The following GOLM1 variants were observed in gnomAD, a reference collection of about 807,000 sequenced individuals.
GOLM1 encodes epididymis luminal protein 46.
A neutral mutation model predicts 50.5 loss-of-function variants in GOLM1; 31 were observed. The observed-to-expected ratio is 0.61, with a 90% CI of 0.46 to 0.83. GOLM1 has a LOEUF of 0.83. Ranked by LOEUF, GOLM1 falls within the 40% of genes least tolerant of loss-of-function variation. GOLM1 has a pLI of 0.00. For missense variants in GOLM1, 491 were observed against 501.3 expected (o/e 0.98, Z 0.20); for synonymous variants, 178 against 192.8 (o/e 0.92, Z 0.64).
At chr9:86,086,382 A>T (rs1834962258) in intron 1 of GOLM1, among the ~76,000 whole-genome samples, 1 of 151,932 alleles carries the variant, frequency 6.6e-6, no homozygotes, top group Admixed American at 6.6e-5. Context: ...AGATGGACAG[A>T]TTACAAAAGT....
At chr9:86,062,475 G>C (rs1255407699) in intron 3 of GOLM1, among the ~76,000 whole-genome samples, 1 of 151,368 alleles carries the variant, frequency 6.6e-6, no homozygotes. Context: ...CAGAGGGAAG[G>C]GAGGACGGGG....
intron 1 of GOLM1, among the ~76,000 whole-genome samples, chr9:86,085,450 TTTG>T (rs200279920): frequency 9.7e-6 from 1 of 103,114 alleles, no homozygotes; most frequent in Non-Finnish European, 1.8e-5. Context: ...GCCCAAAGTT[TTTG>T]TTTTTTTTTT....
intron 3 of GOLM1, among the ~76,000 whole-genome samples, chr9:86,053,323 CA>C (rs1833837815): frequency 1.5e-5 from 2 of 133,900 alleles, no homozygotes; most frequent in Non-Finnish European, 1.6e-5. Flanking sequence ...CAGCAGGCCA[CA>C]CACCACACTA....
intron 1 of GOLM1, chr9:86,079,584 G>GC (rs369443606): frequency 1.1e-4 from 39 of 345,166 alleles, no homozygotes; most frequent in African/African-American, 7.4e-4. Flanking sequence ...AGCAGGCACC[G>GC]CCCCGAAACC....
At chr9:86,065,858 G>A (rs574026174) in intron 3 of GOLM1, among the ~76,000 whole-genome samples, 2 of 152,226 alleles carry the variant, frequency 1.3e-5, no homozygotes, top group Non-Finnish European at 2.9e-5. Flanking sequence ...TGGCCAACAT[G>A]GTGAAACCCC....
chr9:86,076,757 C>T (rs1563964874), intron 3 of GOLM1, among the ~76,000 whole-genome samples: 2 of 150,352 alleles, frequency 1.3e-5, no homozygotes, highest in African/African-American at 2.5e-5. Flanking sequence ...CGCAGCTACT[C>T]AGGAGGCTGA....
intron 5 of GOLM1, among the ~76,000 whole-genome samples, chr9:86,041,607 G>A (rs1158463040): frequency 6.6e-6 from 1 of 152,332 alleles, no homozygotes; most frequent in Admixed American, 6.5e-5. Context: ...GGGCTGTTCT[G>A]TAAAAGTCAA....
chr9:86,052,503 C>G, intron 4 of GOLM1, 34 bp downstream of exon 4: 1 of 1,599,578 alleles, frequency 6.3e-7, no homozygotes, highest in Non-Finnish European at 8.6e-7. Flanking sequence ...CCTCAAAGGC[C>G]AGTGCCTGGT....
chr9:86,040,841 C>G lies in GOLM1; in HGVS notation c.495G>C (p.Glu165Asp). ...TTCGCTCCTCACACTGTTCCTTCAC[C>G]TCCTTCATCTGATTGATGCACTGGC... ...DLSQCINQMK[E>D]VKEQCEERIE... Residue 165 changes from glutamate (E) to aspartate (D), a missense_variant, in exon 6 of 10, where the codon GAG becomes GAC. Transcript: ENST00000388712. The G allele has an allele frequency of 2.5e-6, 4 of 1,613,934 alleles. No individual in the cohort carries two copies. The highest frequency in any genetic ancestry group is 2.5e-6 in the Non-Finnish European group (3 of 1,179,876).
intron 7 of GOLM1, 72 bp from the exon 8 acceptor site, chr9:86,035,697 A>C: frequency 7.7e-7 from 1 of 1,302,454 alleles, no homozygotes; most frequent in Non-Finnish European, 1.1e-6. Flanking sequence ...AAAAAAAGCA[A>C]AACCTGGTGC....
intron 3 of GOLM1, among the ~76,000 whole-genome samples, chr9:86,074,437 A>G (rs1834548015): frequency 6.6e-6 from 1 of 152,146 alleles, no homozygotes; most frequent in African/African-American, 2.4e-5. Flanking sequence ...CTGAACTCCC[A>G]TGTACCCATC....
intron 6 of GOLM1, among the ~76,000 whole-genome samples, chr9:86,037,073 C>T (rs1170523185): frequency 1.3e-5 from 2 of 152,232 alleles, no homozygotes; most frequent in African/African-American, 2.4e-5. Context: ...AAACAACACA[C>T]TCCTAAATAA....
chr9:86,044,228 C>T lies in GOLM1; in HGVS notation c.467+2242G>A, dbSNP rs368912662. Among the ~76,000 whole-genome samples, 6 of 152,214 alleles carry T rather than the reference C, an allele frequency of 3.9e-5. No individual in the cohort carries two copies. The East Asian group carries it at 9.6e-4, about 24-fold the overall frequency. On this transcript the variant is annotated intron_variant, in intron 5 of 9. Transcript: ENST00000388712. ...CCTACTGGGGACAAGACTGCCCCCACGTGAGAACCACTGGCATAGCTGAAT... is the reference window on the plus strand; with the variant it reads ...CCTACTGGGGACAAGACTGCCCCCATGTGAGAACCACTGGCATAGCTGAAT...
Position 86,027,404 on chromosome 9 carries a change from G to C in GOLM1, c.*413C>G. The C allele has an allele frequency of 2.0e-6, 2 of 1,009,134 alleles. No individual in the cohort carries two copies. The highest frequency in any genetic ancestry group is 2.4e-6 in the Non-Finnish European group (2 of 845,502). The allele number at this position is 1,009,134 out of a possible 1,614,324, so 62.5% of individuals were successfully genotyped here. ...CAGGCTGGCACCAGCACTTGGTACA[G>C]CACGTGGACAGGACGACGGAACCCA... On this transcript the variant is annotated 3_prime_UTR_variant, in exon 10 of 10. Coordinates refer to ENST00000388712, the MANE Select transcript of GOLM1 (RefSeq NM_016548.4).
At chr9:86,035,187 C>A (rs1408896807) in intron 8 of GOLM1, 181 bp downstream of exon 8, 1 of 985,276 alleles carries the variant, frequency 1.0e-6, no homozygotes, top group Admixed American at 6.1e-5. Context: ...ATATGCTGCT[C>A]TTCCTTCCTG....
chr9:86,046,619 C>A (rs763717503), intron 4 of GOLM1, 47 bp from the exon 5 acceptor site: 1 of 1,202,234 alleles, frequency 8.3e-7, no homozygotes, highest in Non-Finnish European at 1.2e-6. Flanking sequence ...GCACAGCTGT[C>A]ATGCCATTCA....
At chr9:86,048,075 C>T (rs1824845312) in intron 4 of GOLM1, among the ~76,000 whole-genome samples, 1 of 140,786 alleles carries the variant, frequency 7.1e-6, no homozygotes, top group African/African-American at 2.6e-5. Context: ...GCCCTGTGTC[C>T]ATGTGTTCTC....
chr9:86,063,581 C>T (rs976732741), intron 3 of GOLM1, among the ~76,000 whole-genome samples: 2 of 152,208 alleles, frequency 1.3e-5, no homozygotes, highest in African/African-American at 4.8e-5. Flanking sequence ...CAGATCCCTG[C>T]CAGAGACGGT....
At chr9:86,057,392 A>T (rs1361111839) in intron 3 of GOLM1, among the ~76,000 whole-genome samples, 2 of 152,250 alleles carry the variant, frequency 1.3e-5, no homozygotes, top group African/African-American at 4.8e-5. Context: ...AAGGATGCTG[A>T]TCACACTGTA....
Sources: allele counts gnomAD v4.1 joint callset (sites outside exome capture counted in the v4.1 genomes callset), GRCh38; gene constraint gnomAD v4.1.1; transcripts MANE v1.5; gene names NCBI Gene and HGNC (gene_info 2026-07-23, HGNC 2026-07-21).